Variants in NR1H4 observed in about 807,000 individuals in gnomAD.
The protein encoded by NR1H4 is nuclear receptor subfamily 1 group H member 4, also known as bile acid receptor.
A neutral mutation model predicts 58.5 loss-of-function variants in NR1H4; 23 were observed. The observed-to-expected ratio is 0.39, with a 90% CI of 0.28 to 0.56. The LOEUF (loss-of-function observed/expected upper bound fraction) is 0.56, where lower values mean the gene tolerates loss of function less well. NR1H4 is among the 20% of genes least tolerant of loss of function. The pLI, the probability that NR1H4 is intolerant of heterozygous loss-of-function variation, is 0.58. For synonymous variants in NR1H4, 214 were observed against 198.0 expected (o/e 1.08, Z -0.68); for missense variants, 487 against 576.9 (o/e 0.84, Z 1.60).
chr12:100,529,083 A>G lies in NR1H4; in HGVS notation c.446-3375A>G, dbSNP rs529530210. Among the ~76,000 whole-genome samples the G allele has an allele frequency of 2.0e-5, 3 of 152,346 alleles. No individual in the cohort carries two copies. In the South Asian group the frequency reaches 6.2e-4, roughly 32 times the overall value. On this transcript the variant is annotated intron_variant, in intron 4 of 10. Coordinates refer to ENST00000392986, the MANE Select transcript of NR1H4 (RefSeq NM_001206979.2). ...AATATCAACACTGATCTGCAGCACA[A>G]AGTCTTTTTTTAGACTTTATTTGGT... is the stretch of plus-strand genomic sequence containing the variant.
chr12:100,529,391 G>T (rs571386828), intron 4 of NR1H4, among the ~76,000 whole-genome samples: 1 of 151,968 alleles, frequency 6.6e-6, no homozygotes, highest in Admixed American at 6.6e-5. Flanking sequence ...ACCTTGCTCC[G>T]AGGAGCTTCC....
chr12:100,528,205 A>G (rs573845451), intron 4 of NR1H4, among the ~76,000 whole-genome samples: 1 of 152,336 alleles, frequency 6.6e-6, no homozygotes, highest in East Asian at 1.9e-4. Context: ...GTGCATGTGT[A>G]TGTACACATA....
chr12:100,511,123 T>C lies in NR1H4; in HGVS notation c.425T>C (p.Leu142Pro). ...GCCTCTGGATACCACTATAATGCAC[T>C]GACCTGTGAGGGGTGTAAAGGTAAG... is the stretch of plus-strand genomic sequence containing the variant. ...DRASGYHYNA[L>P]TCEGCKGFFR... The change falls in exon 4 of 11, where the codon CTG becomes CCG. Residue 142 changes from leucine to proline, a missense_variant. Leu to Pro is a moderately conservative substitution (Grantham distance 98). Coordinates refer to ENST00000392986, the MANE Select transcript of NR1H4 (RefSeq NM_001206979.2). The C allele has an allele frequency of 6.2e-7, 1 of 1,614,258 alleles. No individual in the cohort carries two copies. The highest frequency in any genetic ancestry group is 8.5e-7 in the Non-Finnish European group (1 of 1,180,036).
chr12:100,523,687 T>C (rs1954485049), intron 4 of NR1H4, among the ~76,000 whole-genome samples: 1 of 152,214 alleles, frequency 6.6e-6, no homozygotes, highest in South Asian at 2.1e-4. Flanking sequence ...TTCTTATTTG[T>C]TATTCCTCTG....
At chr12:100,503,633 G>A (rs1953889700) in intron 3 of NR1H4, 1 of 821,890 alleles carries the variant, frequency 1.2e-6, no homozygotes, top group Non-Finnish European at 1.7e-6. Context: ...AGACTGGAAT[G>A]AGAGTTTGGG....
Position 100,493,296 on chromosome 12 carries a change from G to T in NR1H4, c.-28G>T. On this transcript the variant is annotated 5_prime_UTR_variant, in exon 3 of 11. Transcript: ENST00000392986. ...AGTTTTTTTTGAAGACCACCATAAA[G>T]AAAGTGCATTTCAATTGAAAAATTT... is the stretch of plus-strand genomic sequence containing the variant. The T allele has an allele frequency of 8.7e-7, 1 of 1,155,906 alleles. No individual in the cohort carries two copies. The highest frequency in any genetic ancestry group is 1.3e-6 in the Non-Finnish European group (1 of 773,868). 71.6% of individuals were successfully genotyped at this position (1,155,906 alleles called of 1,614,324 possible).
At chr12:100,495,725 C>T (rs536222221) in intron 3 of NR1H4, among the ~76,000 whole-genome samples, 1 of 151,402 alleles carries the variant, frequency 6.6e-6, no homozygotes, top group African/African-American at 2.4e-5. Context: ...GAGGCTCCAA[C>T]TCAAGAAAAA....
chr12:100,477,488 A>C (rs961659057), intron 1 of NR1H4, among the ~76,000 whole-genome samples: 1 of 152,186 alleles, frequency 6.6e-6, no homozygotes, highest in African/African-American at 2.4e-5. Flanking sequence ...ACCTGGGTCT[A>C]TTACACTTTA....
At chr12:100,537,135 T>C (rs755370651) in intron 8 of NR1H4, 88 bp downstream of exon 8, 202 of 854,798 alleles carry the variant, frequency 2.4e-4, no homozygotes, top group Non-Finnish European at 1.7e-4. Context: ...TACGGTGTTT[T>C]AATTTTCAAA....
intron 1 of NR1H4, among the ~76,000 whole-genome samples, chr12:100,480,468 C>T (rs1953355004): frequency 6.6e-6 from 1 of 152,110 alleles, no homozygotes; most frequent in South Asian, 2.1e-4. Context: ...TTCTATCTTC[C>T]AAGTTACCAC....
At chr12:100,532,110 G>C (rs1954707521) in intron 4 of NR1H4, among the ~76,000 whole-genome samples, 1 of 152,126 alleles carries the variant, frequency 6.6e-6, no homozygotes, top group South Asian at 2.1e-4. Context: ...TTGGAGCCCA[G>C]GGGTGAATTG....
At position 100,535,154 on chromosome 12, in the gene NR1H4, A is replaced by G. The variant is rs1954786476; in HGVS notation, c.732+131A>G. The G allele has an allele frequency of 8.2e-6, 8 of 977,668 alleles. No homozygotes were observed. The East Asian group carries it at 1.7e-4, about 21-fold the overall frequency. 60.6% of individuals were successfully genotyped at this position (977,668 alleles called of 1,614,324 possible). On this transcript the variant is annotated intron_variant, in intron 6 of 10. Coordinates refer to ENST00000392986, the MANE Select transcript of NR1H4 (RefSeq NM_001206979.2). ...ATTTCTAGTCCAATTGTTCATTAAAATGGATTCCTAATACATGCTTTGATG... is the reference window on the plus strand; with the variant it reads ...ATTTCTAGTCCAATTGTTCATTAAAGTGGATTCCTAATACATGCTTTGATG...
intron 4 of NR1H4, chr12:100,525,524 C>G (rs970016401): frequency 1.1e-4 from 17 of 152,078 alleles, no homozygotes; most frequent in Admixed American, 2.0e-4. Context: ...AATCAAAACA[C>G]AATGCCAGAG....
chr12:100,528,363 T>G (rs531904482), intron 4 of NR1H4, among the ~76,000 whole-genome samples: 1 of 150,156 alleles, frequency 6.7e-6, no homozygotes, highest in Non-Finnish European at 1.5e-5. Flanking sequence ...TGAGGCTCCA[T>G]CTGGGAAAGA....
intron 10 of NR1H4, 79 bp from the exon 11 acceptor site, chr12:100,563,172 G>A: frequency 9.0e-7 from 1 of 1,108,750 alleles, no homozygotes; most frequent in Non-Finnish European, 1.4e-6. Flanking sequence ...CTTCAAAATA[G>A]TTAACGTTGC....
chr12:100,502,929 A>T (rs905495112), intron 3 of NR1H4, among the ~76,000 whole-genome samples: 1 of 152,178 alleles, frequency 6.6e-6, no homozygotes. Flanking sequence ...TGATTCAATT[A>T]TCTCCTACAG....
chr12:100,538,413 A>G (rs1219689591), intron 8 of NR1H4, among the ~76,000 whole-genome samples: 1 of 152,198 alleles, frequency 6.6e-6, no homozygotes, highest in Non-Finnish European at 1.5e-5. Flanking sequence ...AGATTCAAAA[A>G]TCGATAGGGC....
chr12:100,554,828 C>A (rs977800396), intron 9 of NR1H4, among the ~76,000 whole-genome samples: 3 of 152,178 alleles, frequency 2.0e-5, no homozygotes, highest in African/African-American at 7.2e-5. Flanking sequence ...GTTAGTGTTA[C>A]ATCTCCAGTG....
intron 3 of NR1H4, among the ~76,000 whole-genome samples, chr12:100,508,695 A>G (rs912313632): frequency 1.4e-4 from 22 of 152,282 alleles, no homozygotes; most frequent in South Asian, 6.2e-4. Context: ...GAAGAACTCT[A>G]TAAAAGTTTT....
Sources: gnomAD v4.1 joint callset for allele counts (sites outside exome capture counted in the v4.1 genomes callset) on GRCh38, gnomAD v4.1.1 for gene constraint, MANE v1.5 for transcripts, NCBI Gene and HGNC (gene_info 2026-07-23, HGNC 2026-07-21) for gene names.